MICU2: variants seen among roughly 807,000 people sequenced by gnomAD.
The protein encoded by MICU2 is calcium uptake protein 2, mitochondrial.
In MICU2, 64 loss-of-function variants were observed where a neutral mutation model predicts 60.4. The ratio of observed to expected loss-of-function variants is 1.06; its 90% CI spans 0.87 to 1.31. The LOEUF is 1.31. Ranked by LOEUF, MICU2 falls within the 50% of genes most tolerant of loss-of-function variation. The pLI is 0.00. For synonymous variants in MICU2, 201 were observed against 175.0 expected (o/e 1.15, Z -1.17); for missense variants, 569 against 531.0 (o/e 1.07, Z -0.70).
intron 1 of MICU2, among the ~76,000 whole-genome samples, chr13:21,571,501 T>C (rs1160389888): frequency 6.6e-6 from 1 of 152,096 alleles, no homozygotes; most frequent in Non-Finnish European, 1.5e-5. Context: ...ATTGAGACCA[T>C]CCTGGCTAAC....
chr13:21,544,039 G>A (rs1372451551), intron 2 of MICU2, among the ~76,000 whole-genome samples: 1 of 152,056 alleles, frequency 6.6e-6, no homozygotes, highest in Non-Finnish European at 1.5e-5. Flanking sequence ...TTAGTTAGAA[G>A]TACCAAGAAC....
chr13:21,601,857 G>A (rs1173064220), intron 1 of MICU2, among the ~76,000 whole-genome samples: 1 of 152,176 alleles, frequency 6.6e-6, no homozygotes, highest in Non-Finnish European at 1.5e-5. Flanking sequence ...AGTAATCCCA[G>A]CACTCTGGGA....
At chr13:21,592,555 C>CA (rs1384196154) in intron 1 of MICU2, among the ~76,000 whole-genome samples, 4 of 152,004 alleles carry the variant, frequency 2.6e-5, no homozygotes, top group African/African-American at 9.7e-5. Flanking sequence ...AAAGACACAA[C>CA]AAAAAAAGAA....
intron 2 of MICU2, among the ~76,000 whole-genome samples, chr13:21,562,301 T>G (rs148616479): frequency 0.027 from 4,120 of 152,278 alleles, 185 homozygotes; most frequent in African/African-American, 0.093. Flanking sequence ...ACTTCCACAA[T>G]GGTTGAACTA....
intron 2 of MICU2, among the ~76,000 whole-genome samples, chr13:21,564,291 G>A (rs1439907476): frequency 2.0e-5 from 3 of 152,126 alleles, no homozygotes; most frequent in African/African-American, 7.2e-5. Context: ...GGCCTTTTAT[G>A]TTTATCTGGG....
chr13:21,550,950 C>T (rs1418964264), intron 2 of MICU2, among the ~76,000 whole-genome samples: 1 of 152,236 alleles, frequency 6.6e-6, no homozygotes, highest in African/African-American at 2.4e-5. Flanking sequence ...ATCAACTATA[C>T]AATAATGCCC....
chr13:21,521,143 T>G (rs1003742807), intron 6 of MICU2, 102 bp downstream of exon 6: 2 of 936,642 alleles, frequency 2.1e-6, no homozygotes, highest in African/African-American at 1.7e-5. Context: ...ATAGTTCATA[T>G]GTAAACAATG....
intron 6 of MICU2, among the ~76,000 whole-genome samples, chr13:21,517,803 G>A (rs66756103): frequency 0.08 from 6,011 of 74,960 alleles, 203 homozygotes; most frequent in African/African-American, 0.17. Flanking sequence ...ACACACACGC[G>A]CGCGCGCGCG....
chr13:21,548,894 G>T (rs1176528697), intron 2 of MICU2, among the ~76,000 whole-genome samples: 1 of 151,836 alleles, frequency 6.6e-6, no homozygotes, highest in Admixed American at 6.6e-5. Context: ...TTCCCAGGGT[G>T]GGGGAGGAGA....
intron 1 of MICU2, among the ~76,000 whole-genome samples, chr13:21,589,808 C>A (rs1412168290): frequency 1.3e-5 from 2 of 152,096 alleles, no homozygotes; most frequent in African/African-American, 2.4e-5. Flanking sequence ...TTTAAATTAC[C>A]CAATTGAAAT....
In MICU2 at chr13:21,539,392, A is replaced by T; in HGVS notation, c.391-15T>A. On this transcript the variant is annotated splice_polypyrimidine_tract_variant and intron_variant, in intron 3 of 11. Transcript: ENST00000382374. ...TCCTCGATGTCCTTTGAATACACATATTAAAATTAAACTTCTAAAAGTTCA... is the reference window on the plus strand; with the variant it reads ...TCCTCGATGTCCTTTGAATACACATTTTAAAATTAAACTTCTAAAAGTTCA... The T allele has an allele frequency of 6.2e-7, 1 of 1,605,606 alleles. No homozygotes were observed. The highest frequency in any genetic ancestry group is 8.5e-7 in the Non-Finnish European group (1 of 1,176,080).
At chr13:21,534,144 T>C (rs1887076812) in intron 4 of MICU2, among the ~76,000 whole-genome samples, 1 of 151,732 alleles carries the variant, frequency 6.6e-6, no homozygotes, top group Non-Finnish European at 1.5e-5. Context: ...ACAAAATGGA[T>C]CTAATTTTGC....
intron 5 of MICU2, 47 bp from the exon 6 acceptor site, chr13:21,521,374 GTTA>G: frequency 1.3e-6 from 2 of 1,497,918 alleles, no homozygotes; most frequent in Non-Finnish European, 1.8e-6. Context: ...TGAAAACCAA[GTTA>G]TTTGTAGATA....
chr13:21,520,706 A>C (rs1335480217), intron 6 of MICU2, among the ~76,000 whole-genome samples: 1 of 151,738 alleles, frequency 6.6e-6, no homozygotes, highest in Non-Finnish European at 1.5e-5. Context: ...AACGGAGTCA[A>C]ATTTACTTGT....
intron 2 of MICU2, chr13:21,551,365 C>T (rs1212053194): frequency 6.6e-6 from 1 of 152,338 alleles, no homozygotes; most frequent in Non-Finnish European, 1.5e-5. Flanking sequence ...TGCTAATCTT[C>T]TCTGTATTTT....
rs144134227 is a variant in MICU2 at position 21,499,359 on chromosome 13, C to G, written c.934-3199G>C. 7.9e-5 allele frequency among the ~76,000 whole-genome samples: 12 copies of G among 151,706 alleles called. 1 individual carries two copies. The highest frequency in any genetic ancestry group is 1.8e-4 in the Non-Finnish European group (12 of 67,930). ...CTGTTTATGTCCTTTGCCCAGATTT[C>G]TAATGGGTTGTTAGGTAACTTACTG... On this transcript the variant is annotated intron_variant, in intron 9 of 11. Transcript: ENST00000382374.
intron 4 of MICU2, among the ~76,000 whole-genome samples, chr13:21,529,697 G>A (rs1886940392): frequency 6.6e-6 from 1 of 152,214 alleles, no homozygotes; most frequent in Non-Finnish European, 1.5e-5. Flanking sequence ...TGTGTCAGAA[G>A]TTTCATGTAA....
rs751243863 is a variant in MICU2, at chr13:21,590,832, C to T, written c.210+13107G>A. Among the ~76,000 whole-genome samples the T allele has an allele frequency of 5.9e-5, 9 of 152,010 alleles. No individual in the cohort carries two copies. In the South Asian group the frequency reaches 6.2e-4, roughly 11 times the overall value. On this transcript the variant is annotated intron_variant, in intron 1 of 11. Coordinates refer to ENST00000382374, the MANE Select transcript of MICU2 (RefSeq NM_152726.3). The stretch of plus-strand genomic sequence containing the variant: ...ATCGCGCCACTGCACTCTAGCCTGG[C>T]GACAAAGCGAGACTCTGTCTCAAAA...
chr13:21,529,056 T>C (rs1192144832), intron 4 of MICU2, among the ~76,000 whole-genome samples: 4 of 152,180 alleles, frequency 2.6e-5, no homozygotes, highest in Non-Finnish European at 5.9e-5. Flanking sequence ...AGGGCTTATA[T>C]ACACCAAACT....
Sources: allele counts gnomAD v4.1 joint callset (sites outside exome capture counted in the v4.1 genomes callset), GRCh38; gene constraint gnomAD v4.1.1; transcripts MANE v1.5; gene names NCBI Gene and HGNC (gene_info 2026-07-23, HGNC 2026-07-21).